DOCK9: variants seen among roughly 807,000 people sequenced by gnomAD.
DOCK9 encodes the protein dedicator of cytokinesis protein 9.
Under a neutral mutation model 263.3 loss-of-function variants are expected in DOCK9, and 89 were observed. The observed-to-expected ratio is 0.34, with a 90% CI of 0.28 to 0.40. The LOEUF (loss-of-function observed/expected upper bound fraction) is 0.40, where lower values mean the gene tolerates loss of function less well. DOCK9 is among the 10% of genes least tolerant of loss of function. The pLI is 1.00. For missense variants in DOCK9, 2,140 were observed against 2,603.4 expected, an observed-to-expected ratio of 0.82 and a Z score of 3.87; for synonymous variants, 976 against 973.1, an observed-to-expected ratio of 1.00 and a Z score of -0.06.
chr13:98,831,421 T>G lies in DOCK9; in HGVS notation c.4562A>C (p.Gln1521Pro). 6.2e-7 allele frequency: 1 copy of G among 1,602,978 alleles called. No homozygotes were observed. The highest frequency in any genetic ancestry group is 8.5e-7 in the Non-Finnish European group (1 of 1,174,476). Residue 1521 changes from glutamine (Q) to proline (P), a missense_variant, in exon 41 of 53, where the codon CAG becomes CCG. Gln to Pro is a moderately conservative substitution (Grantham distance 76). Around this residue, in one of 2 missense-constraint regions of DOCK9, gnomAD observed 619 missense variants for 861.8 expected, o/e 0.72. Transcript: ENST00000682017. ...KLSSIRTEASQLLYFLMRNNF... is the reference protein window; with the variant it reads ...KLSSIRTEASPLLYFLMRNNF... ...GTTCCTCATCAGGAAGTAGAGCAGC[T>G]GGGAGGCCTCCGTCCTGATGGAGCT...
chr13:98,955,051 C>A (rs555032913), intron 2 of DOCK9, among the ~76,000 whole-genome samples: 1 of 152,212 alleles, frequency 6.6e-6, no homozygotes, highest in Non-Finnish European at 1.5e-5. Flanking sequence ...GGCACAGTGG[C>A]TCATGCCTAT....
In DOCK9 at chr13:98,859,711, C is replaced by T. The variant is rs182852312; in HGVS notation, c.3697+694G>A. On this transcript the variant is annotated intron_variant, in intron 33 of 52. Coordinates refer to ENST00000682017, the MANE Select transcript of DOCK9 (RefSeq NM_001366683.2). ...AAGGCTGTGAGCACCTGTGACAATT[C>T]TTGGAGGATATGTGTGTTTGTGTGT... The T allele has an allele frequency of 7.3e-4, 106 of 145,076 alleles. 2 individuals are homozygous for T. Among genetic ancestry groups the T allele is most frequent in the Non-Finnish European group, 6.0e-5 (4 of 66,946 alleles). The allele number at this position is 145,076 out of a possible 1,614,324, so 9.0% of individuals were successfully genotyped here.
chr13:98,983,399 A>G (rs755808924), intron 1 of DOCK9, among the ~76,000 whole-genome samples: 72 of 152,122 alleles, frequency 4.7e-4, no homozygotes, highest in Non-Finnish European at 5.7e-4. Flanking sequence ...CAAAACAGAG[A>G]GCAGAACGGC....
intron 1 of DOCK9, among the ~76,000 whole-genome samples, chr13:99,027,467 A>G (rs772263970): frequency 1.3e-5 from 2 of 152,212 alleles, no homozygotes; most frequent in African/African-American, 2.4e-5. Flanking sequence ...AGCCAATGCG[A>G]ACACCACGTG....
intron 1 of DOCK9, among the ~76,000 whole-genome samples, chr13:99,071,145 G>T (rs1177078496): frequency 6.6e-6 from 1 of 151,572 alleles, no homozygotes; most frequent in Non-Finnish European, 1.5e-5. Flanking sequence ...ATATTATACT[G>T]GTTTTTTTGT....
intron 27 of DOCK9, among the ~76,000 whole-genome samples, chr13:98,870,150 C>T (rs983496375): frequency 6.6e-6 from 1 of 152,224 alleles, no homozygotes; most frequent in African/African-American, 2.4e-5. Flanking sequence ...CTAGACATTT[C>T]TGACATGACA....
intron 9 of DOCK9, among the ~76,000 whole-genome samples, chr13:98,909,794 C>T (rs1235930284): frequency 2.6e-5 from 4 of 152,086 alleles, no homozygotes; most frequent in South Asian, 2.1e-4. Flanking sequence ...AAAAGGTGTC[C>T]GTGAAACTGC....
chr13:98,825,629 T>C lies in DOCK9; in HGVS notation c.5024-1125A>G, dbSNP rs767884744. Among the ~76,000 whole-genome samples, 4 of 152,154 alleles carry C rather than the reference T, an allele frequency of 2.6e-5. No homozygotes were observed. The highest frequency in any genetic ancestry group is 5.9e-5 in the Non-Finnish European group (4 of 68,032). ...TAAAATTAAAAAAACCAACCACCCA[T>C]GCTCTAGGCTATATAGTACATTTCA... On this transcript the variant is annotated intron_variant, in intron 44 of 52. Coordinates refer to ENST00000682017, the MANE Select transcript of DOCK9 (RefSeq NM_001366683.2). This position sits in a 1 kb window ranked among gnomAD's most constrained non-coding sequence, Gnocchi z 4.1.
intron 45 of DOCK9, among the ~76,000 whole-genome samples, chr13:98,821,431 T>C (rs1302451445): frequency 7.2e-5 from 11 of 152,202 alleles, no homozygotes; most frequent in Non-Finnish European, 2.9e-5. Flanking sequence ...CTCGGGGCAC[T>C]GCAACATCCC....
chr13:98,956,847 T>C (rs1173904127), intron 1 of DOCK9, among the ~76,000 whole-genome samples: 2 of 152,212 alleles, frequency 1.3e-5, no homozygotes, highest in African/African-American at 2.4e-5. Flanking sequence ...TCTCAATAAA[T>C]GCTTTATATA....
chr13:98,893,376 G>A (rs550726957), intron 15 of DOCK9, among the ~76,000 whole-genome samples: 4 of 152,194 alleles, frequency 2.6e-5, no homozygotes, highest in Non-Finnish European at 4.4e-5. Flanking sequence ...TCATGTCTTC[G>A]CATTTCCTGC....
chr13:99,004,719 A>G (rs1195026469), intron 1 of DOCK9, among the ~76,000 whole-genome samples: 5 of 152,132 alleles, frequency 3.3e-5, no homozygotes, highest in Non-Finnish European at 7.3e-5. Flanking sequence ...GTTCATTGAC[A>G]TTTGAAAAAT....
intron 1 of DOCK9, among the ~76,000 whole-genome samples, chr13:98,966,112 G>C (rs1755326381): frequency 6.6e-6 from 1 of 152,240 alleles, no homozygotes; most frequent in Non-Finnish European, 1.5e-5. Flanking sequence ...GTGCTCGCTG[G>C]GGATGCTGCT....
At chr13:98,848,124 T>A (rs1294075196) in intron 37 of DOCK9, among the ~76,000 whole-genome samples, 1 of 152,206 alleles carries the variant, frequency 6.6e-6, no homozygotes, top group Non-Finnish European at 1.5e-5. Flanking sequence ...AAATTTGGGA[T>A]GGACTGAAAA....
chr13:98,941,386 A>C (rs562988690), intron 2 of DOCK9, among the ~76,000 whole-genome samples: 1 of 152,282 alleles, frequency 6.6e-6, no homozygotes, highest in Admixed American at 6.5e-5. Flanking sequence ...TCACCAAATA[A>C]TGTACTGCTT....
intron 45 of DOCK9, 112 bp from the exon 46 acceptor site, chr13:98,810,403 GACA>G: frequency 7.5e-7 from 1 of 1,338,168 alleles, no homozygotes; most frequent in Non-Finnish European, 1.0e-6. Flanking sequence ...TTTCACAATA[GACA>G]ACATGCATCA....
upstream of DOCK9, among the ~76,000 whole-genome samples, chr13:98,981,674 C>T (rs768594647): frequency 3.9e-5 from 6 of 152,174 alleles, no homozygotes; most frequent in Non-Finnish European, 7.3e-5. Context: ...GCAGTGCTGG[C>T]GCTCTCCCCT....
chr13:98,801,890 A>G (rs182024393), intron 49 of DOCK9, among the ~76,000 whole-genome samples: 3 of 152,336 alleles, frequency 2.0e-5, no homozygotes, highest in Admixed American at 2.0e-4. Flanking sequence ...AGGCAACCTC[A>G]TATGTCACGT....
chr13:99,043,466 T>A (rs1210237085), intron 1 of DOCK9, among the ~76,000 whole-genome samples: 1 of 152,158 alleles, frequency 6.6e-6, no homozygotes, highest in Non-Finnish European at 1.5e-5. Context: ...GGGCAGCCCA[T>A]CTGTCTCTCT....
Sources: allele counts gnomAD v4.1 joint callset (sites outside exome capture counted in the v4.1 genomes callset), GRCh38; gene constraint gnomAD v4.1.1; regional missense constraint gnomAD v4.1.1; non-coding constraint Gnocchi (gnomAD v3.1); transcripts MANE v1.5; gene names NCBI Gene and HGNC (gene_info 2026-07-23, HGNC 2026-07-21).